BMP1: variants seen among roughly 807,000 people sequenced by gnomAD.
The protein encoded by BMP1 is mammalian tolloid protein.
In BMP1, 63 loss-of-function variants were observed where a neutral mutation model predicts 116.8. That is an observed-to-expected ratio of 0.54 (90% confidence interval 0.44 to 0.67). BMP1 has a LOEUF of 0.67. Among genes scored for constraint, BMP1 ranks in the 30% least tolerant of loss-of-function variants. The pLI is 0.00. For synonymous variants in BMP1, 536 were observed against 533.4 expected (o/e 1.00, Z -0.07); for missense variants, 1,183 against 1,358.9 (o/e 0.87, Z 2.04).
At position 22,177,205 on chromosome 8, in the gene BMP1, C is replaced by T. The variant is rs915428537; in HGVS notation, c.730+66C>T. 3 of 1,461,638 alleles carry T rather than the reference C, an allele frequency of 2.1e-6. No homozygotes were observed. In the African/African-American group the frequency reaches 4.2e-5, roughly 21 times the overall value. The allele number at this position is 1,461,638 out of a possible 1,614,324, so 90.5% of individuals were successfully genotyped here. A position where few individuals can be genotyped will look rare whatever the true frequency, so the allele number is the denominator to read the frequency against. On this transcript the variant is annotated intron_variant, in intron 5 of 19. Coordinates refer to ENST00000306385, the MANE Select transcript of BMP1 (RefSeq NM_006129.5). ...CCGCCCCAGCCCCCACCTCCAGGAC[C>T]CCTGGGGGCAGTGGCAGCCGCTCCA...
At chr8:22,166,102 T>G (rs185443493) in intron 1 of BMP1, among the ~76,000 whole-genome samples, 54 of 152,088 alleles carry the variant, frequency 3.6e-4, no homozygotes, top group African/African-American at 1.2e-3. Context: ...TTTCCAGGGA[T>G]TCCCTGAGAT....
chr8:22,180,508 C>A, intron 8 of BMP1, 25 bp downstream of exon 8: 2 of 1,598,994 alleles, frequency 1.3e-6, no homozygotes, highest in African/African-American at 2.7e-5. Flanking sequence ...AGCCTCTGAG[C>A]CTCCCCCTCC....
chr8:22,200,126 A>C (rs902109344), intron 15 of BMP1, among the ~76,000 whole-genome samples: 2 of 152,188 alleles, frequency 1.3e-5, no homozygotes, highest in African/African-American at 4.8e-5. Flanking sequence ...CTTCTATGCC[A>C]GGCACACCAT....
intron 15 of BMP1, among the ~76,000 whole-genome samples, chr8:22,198,242 G>A (rs767870092): frequency 1.3e-5 from 2 of 152,162 alleles, no homozygotes; most frequent in Non-Finnish European, 2.9e-5. Flanking sequence ...CCCCTGAACC[G>A]GTGGGCGGGA....
chr8:22,196,053 A>G lies in BMP1; in HGVS notation c.1765+466A>G, dbSNP rs1586462607. The G allele has an allele frequency of 7.9e-6, 3 of 380,194 alleles. No individual in the cohort carries two copies. The East Asian group carries it at 2.2e-4, about 28-fold the overall frequency. 23.6% of individuals were successfully genotyped at this position (380,194 alleles called of 1,614,324 possible). Reference sequence around the variant, plus strand: ...ACACATGTCACATTGCAACCCCGAGAACACACTGTCCCCCCGTAGGCCGCA... The same window carrying G: ...ACACATGTCACATTGCAACCCCGAGGACACACTGTCCCCCCGTAGGCCGCA... On this transcript the variant is annotated intron_variant, in intron 13 of 19. Coordinates refer to ENST00000306385, the MANE Select transcript of BMP1 (RefSeq NM_006129.5).
intron 18 of BMP1, among the ~76,000 whole-genome samples, chr8:22,208,741 C>T (rs1829409530): frequency 6.6e-6 from 1 of 152,222 alleles, no homozygotes; most frequent in Non-Finnish European, 1.5e-5. Flanking sequence ...GCAGTCTCCT[C>T]CTGGGTCCTA....
In BMP1 at chr8:22,211,776, C is replaced by G. The variant is rs760072020; in HGVS notation, c.*48C>G. The G allele has an allele frequency of 6.2e-7, 1 of 1,613,328 alleles. No individual in the cohort carries two copies. Among genetic ancestry groups the G allele is most frequent in the Non-Finnish European group, 8.5e-7 (1 of 1,179,804 alleles). Reference sequence around the variant, plus strand: ...GACTGGAGCCTGCTGCCCTTGGTCGCCTAGACTGGATAGTGGGGGTGGGCG... The same window carrying G: ...GACTGGAGCCTGCTGCCCTTGGTCGGCTAGACTGGATAGTGGGGGTGGGCG... On this transcript the variant is annotated 3_prime_UTR_variant, in exon 20 of 20. Transcript: ENST00000306385.
In BMP1 at chr8:22,186,550, C is replaced by A. The variant is rs572041181; in HGVS notation, c.1078-5499C>A. Among the ~76,000 whole-genome samples, 259 of 152,132 alleles carry A rather than the reference C, an allele frequency of 1.7e-3. 1 individual carries two copies. Among genetic ancestry groups the A allele is most frequent in the African/African-American group, 5.8e-3 (241 of 41,500 alleles). ...TGGCATGATCTCGGCTTACTGCAAC[C>A]TCTGCCTCTGGGTTCAAGCAATTTT... On this transcript the variant is annotated intron_variant, in intron 8 of 19. Transcript: ENST00000306385.
In BMP1 at chr8:22,179,292, GAGA is replaced by G. The variant is rs1291225778; in HGVS notation, c.837-410_837-408del. 1.3e-5 allele frequency among the ~76,000 whole-genome samples: 2 copies of G among 152,226 alleles called. No individual in the cohort carries two copies. Among genetic ancestry groups the G allele is most frequent in the African/African-American group, 4.8e-5 (2 of 41,468 alleles). On this transcript the variant is annotated intron_variant, in intron 6 of 19. Transcript: ENST00000306385. The surrounding 1 kb of genome is among the most constrained non-coding windows in gnomAD (Gnocchi z 4.6). Reference sequence around the variant, plus strand: ...GAGGAGCTGGCCTGGGGAGTCCTGGGAGAAGTTTAGTTAGGGCTGGAGCAGCAT... The same window carrying G: ...GAGGAGCTGGCCTGGGGAGTCCTGGGAGTTTAGTTAGGGCTGGAGCAGCAT...
intron 4 of BMP1, 52 bp from the exon 5 acceptor site, chr8:22,176,909 G>A (rs550527451): frequency 2.0e-6 from 3 of 1,511,976 alleles, no homozygotes; most frequent in African/African-American, 1.4e-5. Flanking sequence ...CCCCTGAGTG[G>A]ATGCACTCCC....
chr8:22,211,482 TCTGGTGGCTGC>T (rs1829460866), intron 19 of BMP1, 101 bp from the exon 20 acceptor site: 5 of 1,445,206 alleles, frequency 3.5e-6, no homozygotes, highest in Non-Finnish European at 9.6e-7. Flanking sequence ...GCGGGGAGAA[TCTGGTGGCTGC>T]CTGGGAGCCT....
intron 12 of BMP1, 94 bp from the exon 13 acceptor site, chr8:22,195,368 G>T (rs1021362672): frequency 6.8e-7 from 1 of 1,472,328 alleles, no homozygotes; most frequent in South Asian, 1.4e-5. Context: ...GGGGAGCTGG[G>T]TGGGTCTTGG....
chr8:22,192,822 C>T (rs1418447895), intron 9 of BMP1, among the ~76,000 whole-genome samples: 1 of 152,120 alleles, frequency 6.6e-6, no homozygotes, highest in Non-Finnish European at 1.5e-5. Flanking sequence ...CCCGAGGAGC[C>T]GTGTGAATCT....
At chr8:22,207,132 TAA>T in intron 17 of BMP1, 151 bp downstream of exon 17, 1 of 1,428,624 alleles carries the variant, frequency 7.0e-7, no homozygotes, top group Non-Finnish European at 9.5e-7. Context: ...TTTCCCAGTA[TAA>T]ATTAGGGGCG....
At position 22,195,510 on chromosome 8, in the gene BMP1, G is replaced by A; in HGVS notation, c.1688G>A (p.Cys563Tyr). ...RPNRGGCEQR[C>Y]LNTLGSYKCS... ...AACCGCGGGGGCTGTGAGCAGCGGT[G>A]CCTCAACACCCTGGGCAGCTACAAG... The change falls in exon 13 of 20, where the codon TGC becomes TAC. Residue 563 changes from cysteine (C) to tyrosine (Y), a missense_variant. Cys to Tyr is a radical substitution (Grantham distance 194). Around this residue, in one of 4 missense-constraint regions of BMP1, gnomAD observed 956 missense variants for 1,135.2 expected, o/e 0.84. Coordinates refer to ENST00000306385, the MANE Select transcript of BMP1 (RefSeq NM_006129.5). 1 of 1,612,716 alleles carries A rather than the reference G, an allele frequency of 6.2e-7. No individual in the cohort carries two copies. The highest frequency in any genetic ancestry group is 1.1e-5 in the South Asian group (1 of 90,998).
At chr8:22,178,496 G>T (rs190457402) in intron 6 of BMP1, among the ~76,000 whole-genome samples, 3 of 151,944 alleles carry the variant, frequency 2.0e-5, no homozygotes, top group African/African-American at 7.3e-5. Context: ...GGCTGGTCTC[G>T]AACTCCTGGG....
At chr8:22,185,238 G>A (rs902598169) in intron 8 of BMP1, among the ~76,000 whole-genome samples, 1 of 152,110 alleles carries the variant, frequency 6.6e-6, no homozygotes, top group African/African-American at 2.4e-5. Flanking sequence ...GATCACTTGA[G>A]GTCAGGGGTT....
At chr8:22,197,535 A>G (rs1007876020) in intron 15 of BMP1, 115 bp downstream of exon 15, 2 of 1,203,074 alleles carry the variant, frequency 1.7e-6, no homozygotes, top group Non-Finnish European at 1.2e-6. Flanking sequence ...AGGCAGGCAG[A>G]GTCTGCCCCC....
At chr8:22,173,116 T>C (rs1327128651) in intron 1 of BMP1, among the ~76,000 whole-genome samples, 1 of 152,310 alleles carries the variant, frequency 6.6e-6, no homozygotes, top group East Asian at 1.9e-4. Context: ...TGCTAATAAC[T>C]AGGGTATTGT....
Sources: gnomAD v4.1 joint callset for allele counts (sites outside exome capture counted in the v4.1 genomes callset) on GRCh38, gnomAD v4.1.1 for gene constraint, gnomAD v4.1.1 regional missense constraint, Gnocchi (gnomAD v3.1) non-coding constraint, MANE v1.5 for transcripts, NCBI Gene and HGNC (gene_info 2026-07-23, HGNC 2026-07-21) for gene names.